Variants in WDR70 observed in about 807,000 individuals in gnomAD.
WDR70 encodes the protein WD repeat domain 70, also known as WD repeat-containing protein 70.
WDR70 carries 53 observed loss-of-function variants against 88.6 expected under a neutral mutation model. The observed-to-expected ratio is 0.60, with a 90% CI of 0.48 to 0.75. The LOEUF (loss-of-function observed/expected upper bound fraction) is 0.75. Ranked by LOEUF, WDR70 falls within the 30% of genes least tolerant of loss-of-function variation. The pLI, the probability that WDR70 is intolerant of heterozygous loss-of-function variation, is 0.00. For synonymous variants in WDR70, 280 were observed against 270.0 expected, an observed-to-expected ratio of 1.04 and a Z score of -0.36; for missense variants, 610 against 823.2, an observed-to-expected ratio of 0.74 and a Z score of 3.17.
At chr5:37,676,407 C>T (rs1268574975) in intron 10 of WDR70, among the ~76,000 whole-genome samples, 2 of 152,044 alleles carry the variant, frequency 1.3e-5, no homozygotes, top group Non-Finnish European at 2.9e-5. Flanking sequence ...GAAATACGTC[C>T]CATAAATACC....
chr5:37,676,446 G>GA (rs1746212348), intron 10 of WDR70, among the ~76,000 whole-genome samples: 1 of 152,082 alleles, frequency 6.6e-6, no homozygotes, highest in Non-Finnish European at 1.5e-5. Flanking sequence ...TAGCATGAAG[G>GA]GTGTTGAATT....
At chr5:37,403,770 T>G (rs145964332) in intron 5 of WDR70, among the ~76,000 whole-genome samples, 2 of 152,088 alleles carry the variant, frequency 1.3e-5, no homozygotes, top group Non-Finnish European at 1.5e-5. Context: ...CAGGCTGGAG[T>G]GCAGTGAATT....
chr5:37,677,361 T>C (rs921869477), intron 10 of WDR70, among the ~76,000 whole-genome samples: 7 of 152,222 alleles, frequency 4.6e-5, no homozygotes, highest in African/African-American at 1.7e-4. Flanking sequence ...TGCTTTCTCT[T>C]GTGGGCATTT....
At chr5:37,550,639 G>A (rs1039602129) in intron 9 of WDR70, among the ~76,000 whole-genome samples, 1 of 152,146 alleles carries the variant, frequency 6.6e-6, no homozygotes, top group South Asian at 2.1e-4. Flanking sequence ...TATAGGGGAG[G>A]TGTGTTTCCT....
chr5:37,592,268 A>G (rs558201612), intron 9 of WDR70, among the ~76,000 whole-genome samples: 64 of 152,304 alleles, frequency 4.2e-4, no homozygotes, highest in African/African-American at 1.5e-3. Context: ...TTTTTGCATC[A>G]AACAGTGTGT....
chr5:37,507,888 G>A (rs1051242674), intron 8 of WDR70, among the ~76,000 whole-genome samples: 2 of 151,874 alleles, frequency 1.3e-5, no homozygotes, highest in Non-Finnish European at 2.9e-5. Flanking sequence ...GAGTCCTTGG[G>A]ATTTTCTACA....
At chr5:37,633,738 G>A (rs1012547945) in intron 10 of WDR70, among the ~76,000 whole-genome samples, 1 of 151,592 alleles carries the variant, frequency 6.6e-6, no homozygotes, top group African/African-American at 2.4e-5. Context: ...TACATGATAG[G>A]CATTATTTTT....
intron 10 of WDR70, among the ~76,000 whole-genome samples, chr5:37,665,782 T>A (rs1745821785): frequency 6.6e-6 from 1 of 152,222 alleles, no homozygotes; most frequent in East Asian, 1.9e-4. Context: ...AAAGTTGCTT[T>A]GTCGTATAGT....
chr5:37,610,247 C>CA (rs1419996335), intron 10 of WDR70, among the ~76,000 whole-genome samples: 2 of 120,096 alleles, frequency 1.7e-5, no homozygotes, highest in African/African-American at 6.6e-5. Context: ...GCCTGGGCGA[C>CA]AGAGCAAGAC....
intron 11 of WDR70, among the ~76,000 whole-genome samples, chr5:37,698,718 T>C (rs1229276251): frequency 1.3e-5 from 2 of 152,158 alleles, no homozygotes; most frequent in Non-Finnish European, 2.9e-5. Flanking sequence ...ATAGTGGAAA[T>C]GAAGAGAGAG....
chr5:37,390,982 C>A (rs1482325610), intron 3 of WDR70, among the ~76,000 whole-genome samples: 1 of 152,138 alleles, frequency 6.6e-6, no homozygotes, highest in Non-Finnish European at 1.5e-5. Context: ...TCCCAAAGTG[C>A]TGGGATTACA....
intron 10 of WDR70, among the ~76,000 whole-genome samples, chr5:37,670,705 C>T (rs985643019): frequency 3.3e-5 from 5 of 152,130 alleles, no homozygotes; most frequent in Admixed American, 6.5e-5. Context: ...CAGTCTGGCT[C>T]TATAGTCTGT....
intron 5 of WDR70, among the ~76,000 whole-genome samples, chr5:37,419,154 G>A (rs1249462772): frequency 6.6e-6 from 1 of 151,224 alleles, no homozygotes; most frequent in East Asian, 2.0e-4. Flanking sequence ...ATGTCTTCCT[G>A]TATAAGCCCC....
intron 5 of WDR70, among the ~76,000 whole-genome samples, chr5:37,424,460 A>G (rs1471551108): frequency 6.6e-6 from 1 of 150,790 alleles, no homozygotes; most frequent in Non-Finnish European, 1.5e-5. Flanking sequence ...GCTGGAGTAC[A>G]GTGGCGTGAT....
chr5:37,468,051 A>G (rs1395267992), intron 7 of WDR70, among the ~76,000 whole-genome samples: 2 of 148,442 alleles, frequency 1.3e-5, no homozygotes, highest in South Asian at 2.2e-4. Flanking sequence ...GGGTTTTACC[A>G]TGTTAACCAG....
chr5:37,387,098 T>TAAA (rs34087509), intron 3 of WDR70, among the ~76,000 whole-genome samples: 6 of 140,228 alleles, frequency 4.3e-5, no homozygotes, highest in African/African-American at 7.8e-5. Flanking sequence ...AAACTCTGTC[T>TAAA]AAAAAAAAAA....
At chr5:37,536,800 T>G (rs1346431291) in intron 9 of WDR70, among the ~76,000 whole-genome samples, 1 of 152,176 alleles carries the variant, frequency 6.6e-6, no homozygotes, top group Non-Finnish European at 1.5e-5. Context: ...TTTAGGAATT[T>G]TGTATTTTAT....
intron 10 of WDR70, among the ~76,000 whole-genome samples, chr5:37,686,466 G>T (rs890065360): frequency 1.3e-5 from 2 of 151,124 alleles, no homozygotes; most frequent in East Asian, 4.0e-4. Context: ...CTTGGACCCA[G>T]CTTAAAAAGT....
At chr5:37,615,405 T>C (rs1744309044) in intron 10 of WDR70, among the ~76,000 whole-genome samples, 1 of 151,922 alleles carries the variant, frequency 6.6e-6, no homozygotes, top group Non-Finnish European at 1.5e-5. Flanking sequence ...TAGAGAAGAT[T>C]TTACTCACAG....
Sources: gnomAD v4.1 joint callset for allele counts (sites outside exome capture counted in the v4.1 genomes callset) on GRCh38, gnomAD v4.1.1 for gene constraint, MANE v1.5 for transcripts, NCBI Gene and HGNC (gene_info 2026-07-23, HGNC 2026-07-21) for gene names.